The following SHC3 variants were observed in gnomAD, a reference collection of about 807,000 sequenced individuals.
The protein encoded by SHC3 is SHC adaptor protein 3.
In SHC3, 15 loss-of-function variants were observed where a neutral mutation model predicts 60.4. That is an observed-to-expected ratio of 0.25 (90% CI 0.17 to 0.38). The LOEUF (loss-of-function observed/expected upper bound fraction) is 0.38, where lower values mean the gene tolerates loss of function less well. SHC3 is among the 10% of genes least tolerant of loss of function. The probability of loss-of-function intolerance (pLI) is 1.00; values close to 1 mark genes in which losing one functional copy is unlikely to be tolerated. For synonymous variants in SHC3, 294 were observed against 325.9 expected, an observed-to-expected ratio of 0.90 and a Z score of 1.05; for missense variants, 677 against 786.1, an observed-to-expected ratio of 0.86 and a Z score of 1.66.
At chr9:89,155,080 C>A (rs528123875) in intron 1 of SHC3, among the ~76,000 whole-genome samples, 1 of 152,132 alleles carries the variant, frequency 6.6e-6, no homozygotes, top group Non-Finnish European at 1.5e-5. Context: ...CTTCACGACA[C>A]CCCACAAAAA....
chr9:89,024,623 T>G (rs1826258699), intron 11 of SHC3, among the ~76,000 whole-genome samples: 1 of 152,238 alleles, frequency 6.6e-6, no homozygotes, highest in Admixed American at 6.5e-5. Flanking sequence ...GTTTTCAGAA[T>G]GAAAGGATTA....
chr9:89,142,867 C>A (rs1338178669), intron 1 of SHC3, among the ~76,000 whole-genome samples: 1 of 151,984 alleles, frequency 6.6e-6, no homozygotes, highest in Non-Finnish European at 1.5e-5. Context: ...CAGTATCATA[C>A]CTTTGGAGTT....
intron 1 of SHC3, among the ~76,000 whole-genome samples, chr9:89,162,678 C>T (rs1281213744): frequency 6.7e-6 from 1 of 150,318 alleles, no homozygotes; most frequent in East Asian, 1.9e-4. Context: ...AGGACATAGG[C>T]ATGGTCAAGG....
intron 11 of SHC3, among the ~76,000 whole-genome samples, chr9:89,024,618 C>T (rs1587679690): frequency 6.6e-6 from 1 of 152,236 alleles, no homozygotes; most frequent in African/African-American, 2.4e-5. Context: ...GGACCGTTTT[C>T]AGAATGAAAG....
chr9:89,127,316 C>T (rs1320155752), intron 1 of SHC3, among the ~76,000 whole-genome samples: 1 of 152,056 alleles, frequency 6.6e-6, no homozygotes, highest in East Asian at 1.9e-4. Context: ...AGTTCAAAAG[C>T]CAGAAATATT....
rs538831501 is a variant in SHC3 at position 89,011,384 on chromosome 9, G to A, written c.*2063C>T. ...AACTTGCATTTCCTACTTTGCTATTGTCCCTGAATGTTATAATAGCATTTT... is the reference window on the plus strand; with the variant it reads ...AACTTGCATTTCCTACTTTGCTATTATCCCTGAATGTTATAATAGCATTTT... On this transcript the variant is annotated 3_prime_UTR_variant, in exon 12 of 12. Transcript: ENST00000375835. 87 of 152,258 alleles carry A rather than the reference G, an allele frequency of 5.7e-4. No individual in the cohort carries two copies. The highest frequency in any genetic ancestry group is 2.0e-3 in the African/African-American group (84 of 41,532). The allele number at this position is 152,258 out of a possible 1,614,324, so 9.4% of individuals were successfully genotyped here.
intron 11 of SHC3, among the ~76,000 whole-genome samples, chr9:89,027,710 A>C (rs1345666666): frequency 2.6e-5 from 4 of 152,214 alleles, no homozygotes; most frequent in Non-Finnish European, 5.9e-5. Flanking sequence ...ACAGTGCAGG[A>C]ATTAACAACT....
intron 11 of SHC3, among the ~76,000 whole-genome samples, chr9:89,033,765 C>T (rs1051461422): frequency 1.3e-4 from 20 of 152,234 alleles, no homozygotes; most frequent in Admixed American, 1.1e-3. Context: ...GTGGTAAGTG[C>T]TTTAAGGTAA....
intron 2 of SHC3, among the ~76,000 whole-genome samples, chr9:89,105,896 T>C (rs895766384): frequency 2.6e-5 from 4 of 152,194 alleles, no homozygotes; most frequent in African/African-American, 9.7e-5. Flanking sequence ...TGGTAGATAT[T>C]AATAATAACA....
chr9:89,153,268 T>C (rs1826570318), intron 1 of SHC3, among the ~76,000 whole-genome samples: 1 of 152,160 alleles, frequency 6.6e-6, no homozygotes, highest in African/African-American at 2.4e-5. Flanking sequence ...CATCAAAAAG[T>C]TAAAATCATT....
chr9:89,013,420 G>T lies in SHC3; in HGVS notation c.*27C>A. 6.5e-7 allele frequency: 1 copy of T among 1,539,796 alleles called. No individual in the cohort carries two copies. The highest frequency in any genetic ancestry group is 8.8e-7 in the Non-Finnish European group (1 of 1,141,646). The stretch of plus-strand genomic sequence containing the variant: ...ACTCCAGGTCCTCCTGACCTGGTGC[G>T]CAGTGCTGGGAGCAGTGCTGGCCAG... On this transcript the variant is annotated 3_prime_UTR_variant, in exon 12 of 12. Coordinates refer to ENST00000375835, the MANE Select transcript of SHC3 (RefSeq NM_016848.6).
chr9:89,021,918 G>C (rs941933211), intron 11 of SHC3, among the ~76,000 whole-genome samples: 1 of 152,202 alleles, frequency 6.6e-6, no homozygotes, highest in Non-Finnish European at 1.5e-5. Flanking sequence ...GCCCCTGGGG[G>C]CTTCCAGAGC....
chr9:89,042,204 C>T lies in SHC3; in HGVS notation c.1202-20G>A. On this transcript the variant is annotated intron_variant, in intron 9 of 11. Coordinates refer to ENST00000375835, the MANE Select transcript of SHC3 (RefSeq NM_016848.6). Reference sequence around the variant, plus strand: ...AGGACCCTGCAACAAGAAAGTGAGCCCCTTTTCTTTTACGATGGTGACACT... The same window carrying T: ...AGGACCCTGCAACAAGAAAGTGAGCTCCTTTTCTTTTACGATGGTGACACT... The T allele has an allele frequency of 1.3e-6, 2 of 1,490,764 alleles. No individual in the cohort carries two copies. Among genetic ancestry groups the T allele is most frequent in the Non-Finnish European group, 1.8e-6 (2 of 1,124,774 alleles). 92.3% of individuals were successfully genotyped at this position (1,490,764 alleles called of 1,614,324 possible). A position where few individuals can be genotyped will look rare whatever the true frequency, so the allele number is the denominator to read the frequency against.
At chr9:89,076,651 C>T (rs1198786889) in intron 3 of SHC3, among the ~76,000 whole-genome samples, 1 of 152,084 alleles carries the variant, frequency 6.6e-6, no homozygotes, top group African/African-American at 2.4e-5. Flanking sequence ...TGGAGCCCAG[C>T]CCTCTGAGCT....
intron 1 of SHC3, among the ~76,000 whole-genome samples, chr9:89,149,981 G>C (rs867750938): frequency 2.3e-4 from 35 of 152,092 alleles, no homozygotes; most frequent in African/African-American, 8.5e-4. Flanking sequence ...CCAGTTATCA[G>C]GCTGACTGTC....
At chr9:89,015,546 A>G (rs1186733678) in intron 11 of SHC3, among the ~76,000 whole-genome samples, 1 of 152,256 alleles carries the variant, frequency 6.6e-6, no homozygotes, top group Non-Finnish European at 1.5e-5. Context: ...AGGCTGGCCA[A>G]CATAAACACA....
At chr9:89,084,213 C>A (rs1305066979) in intron 2 of SHC3, among the ~76,000 whole-genome samples, 1 of 152,202 alleles carries the variant, frequency 6.6e-6, no homozygotes, top group South Asian at 2.1e-4. Flanking sequence ...AGCAGTTCAC[C>A]TGTGCCATTA....
At chr9:89,015,341 G>A (rs1175747199) in intron 11 of SHC3, among the ~76,000 whole-genome samples, 1 of 152,200 alleles carries the variant, frequency 6.6e-6, no homozygotes, top group Non-Finnish European at 1.5e-5. Flanking sequence ...GGGCAGGGAA[G>A]TGTCTGAGAC....
chr9:89,064,009 C>T (rs1283456710), intron 6 of SHC3, among the ~76,000 whole-genome samples: 1 of 152,112 alleles, frequency 6.6e-6, no homozygotes, highest in African/African-American at 2.4e-5. Context: ...TACTGAGGGC[C>T]CTCTTCCTGG....
Sources: gnomAD v4.1 joint callset for allele counts (sites outside exome capture counted in the v4.1 genomes callset) on GRCh38, gnomAD v4.1.1 for gene constraint, MANE v1.5 for transcripts, NCBI Gene and HGNC (gene_info 2026-07-23, HGNC 2026-07-21) for gene names.